The following PAWR variants were observed in gnomAD, a reference collection of about 807,000 sequenced individuals.
PAWR encodes PRKC apoptosis WT1 regulator protein.
A neutral mutation model predicts 32.0 loss-of-function variants in PAWR; 23 were observed. The observed-to-expected ratio is 0.72, with a 90% CI of 0.52 to 1.02. PAWR has a LOEUF of 1.02. Ranked by LOEUF, PAWR falls within the 50% of genes least tolerant of loss-of-function variation. The pLI, the probability that PAWR is intolerant of heterozygous loss-of-function variation, is 0.00. For synonymous variants in PAWR, 226 were observed against 187.1 expected (o/e 1.21, Z -1.70); for missense variants, 457 against 437.7 (o/e 1.04, Z -0.39).
At position 79,585,427 on chromosome 12, in the gene PAWR, A is replaced by G. The variant is rs1027427024; in HGVS notation, c.*7180T>C. ...CTACTGGTGTCAGAAACACACTTTA[A>G]GAACCACTGGCAAAACATTTAATAA... On this transcript the variant is annotated 3_prime_UTR_variant, in exon 7 of 7. Transcript: ENST00000328827. 5.2e-6 allele frequency: 1 copy of G among 193,182 alleles called. No individual in the cohort carries two copies. The highest frequency in any genetic ancestry group is 2.4e-5 in the African/African-American group (1 of 42,046). 12.0% of individuals were successfully genotyped at this position (193,182 alleles called of 1,614,324 possible).
chr12:79,676,126 T>A (rs1487567989), intron 2 of PAWR, among the ~76,000 whole-genome samples: 1 of 152,042 alleles, frequency 6.6e-6, no homozygotes, highest in African/African-American at 2.4e-5. Context: ...TCCTCACCTG[T>A]AAAATAGAAA....
intron 3 of PAWR, among the ~76,000 whole-genome samples, chr12:79,620,063 T>C (rs1874928390): frequency 6.6e-6 from 1 of 152,146 alleles, no homozygotes; most frequent in East Asian, 1.9e-4. Flanking sequence ...TCAAATAATC[T>C]AGCAACAAAG....
At chr12:79,669,346 T>G (rs1318078840) in intron 2 of PAWR, among the ~76,000 whole-genome samples, 1 of 152,124 alleles carries the variant, frequency 6.6e-6, no homozygotes, top group Non-Finnish European at 1.5e-5. Context: ...TATTACAGAG[T>G]AGGGCCATGT....
At chr12:79,659,297 GA>G (rs903561912) in intron 2 of PAWR, among the ~76,000 whole-genome samples, 1,706 of 136,002 alleles carry the variant, frequency 0.013, 30 homozygotes, top group African/African-American at 0.037. Context: ...CAGTCTCAAA[GA>G]AAAAAAAAAA....
chr12:79,627,514 C>A (rs1461515214), intron 2 of PAWR, among the ~76,000 whole-genome samples: 2 of 152,074 alleles, frequency 1.3e-5, no homozygotes, highest in Non-Finnish European at 2.9e-5. Flanking sequence ...GAGTAGGTTG[C>A]AAAAATTTTC....
At chr12:79,689,072 A>G (rs1878830961) in intron 2 of PAWR, among the ~76,000 whole-genome samples, 2 of 152,238 alleles carry the variant, frequency 1.3e-5, no homozygotes, top group South Asian at 4.1e-4. Context: ...ACTCAAAAAG[A>G]GATCGTCTTA....
At chr12:79,620,928 T>A in intron 3 of PAWR, 148 bp downstream of exon 3, 1 of 620,342 alleles carries the variant, frequency 1.6e-6, no homozygotes, top group South Asian at 2.1e-5. Flanking sequence ...GCCCAACATG[T>A]GATGTCAGAA....
intron 2 of PAWR, among the ~76,000 whole-genome samples, chr12:79,669,952 C>A (rs71463833): frequency 6.6e-6 from 1 of 152,150 alleles, no homozygotes; most frequent in Admixed American, 6.5e-5. Context: ...CCACCCTCCT[C>A]CACCTCCCAA....
chr12:79,678,925 T>C (rs1025050442), intron 2 of PAWR, among the ~76,000 whole-genome samples: 10 of 146,420 alleles, frequency 6.8e-5, no homozygotes, highest in Non-Finnish European at 1.2e-4. Flanking sequence ...AGAGACAAGG[T>C]CTCACTCTGT....
intron 2 of PAWR, among the ~76,000 whole-genome samples, chr12:79,684,895 G>A (rs552636034): frequency 1.3e-5 from 2 of 152,028 alleles, no homozygotes; most frequent in African/African-American, 2.4e-5. Context: ...GGTTTATTAC[G>A]CACAAGACTG....
intron 2 of PAWR, among the ~76,000 whole-genome samples, chr12:79,629,492 A>C (rs1875501627): frequency 6.6e-6 from 1 of 152,146 alleles, no homozygotes; most frequent in African/African-American, 2.4e-5. Context: ...TGAAACAAAA[A>C]GAACTGAAAA....
chr12:79,685,472 T>C (rs1878639621), intron 2 of PAWR, among the ~76,000 whole-genome samples: 1 of 152,236 alleles, frequency 6.6e-6, no homozygotes, highest in Admixed American at 6.5e-5. Flanking sequence ...TGTGTTCACT[T>C]AAAAGTGCTT....
At chr12:79,608,228 T>C (rs2136690965) in intron 4 of PAWR, among the ~76,000 whole-genome samples, 1 of 152,196 alleles carries the variant, frequency 6.6e-6, no homozygotes, top group East Asian at 1.9e-4. Flanking sequence ...AGAACTAAAG[T>C]TCTTAACTGG....
intron 2 of PAWR, among the ~76,000 whole-genome samples, chr12:79,649,196 T>C (rs1876722245): frequency 6.6e-6 from 1 of 152,166 alleles, no homozygotes; most frequent in African/African-American, 2.4e-5. Context: ...ATTGAACTAA[T>C]ACTTTGAAGC....
At chr12:79,679,606 G>A (rs1316220850) in intron 2 of PAWR, among the ~76,000 whole-genome samples, 4 of 152,134 alleles carry the variant, frequency 2.6e-5, no homozygotes, top group Non-Finnish European at 5.9e-5. Context: ...TTAAGTAAGA[G>A]GTAATAAAAT....
chr12:79,690,208 C>T lies in PAWR; in HGVS notation c.37G>A (p.Gly13Ser), dbSNP rs1303377529. ...TGGYRTSSGL[G>S]GSTTDFLEEW... ...TCCAGGAAGTCTGTGGTGCTGCCGC[C>T]GAGGCCGCTGCTGGTCCGGTAGCCA... Residue 13 changes from glycine (G) to serine (S), a missense_variant, in exon 2 of 7, where the codon GGC (glycine) becomes AGC (serine). Transcript: ENST00000328827. 6.5e-7 allele frequency: 1 copy of T among 1,529,512 alleles called. No homozygotes were observed. Among genetic ancestry groups the T allele is most frequent in the Admixed American group, 2.0e-5 (1 of 51,226 alleles). The allele number at this position is 1,529,512 out of a possible 1,614,324, so 94.7% of individuals were successfully genotyped here.
At chr12:79,650,386 T>C (rs547192666) in intron 2 of PAWR, among the ~76,000 whole-genome samples, 1 of 152,298 alleles carries the variant, frequency 6.6e-6, no homozygotes, top group East Asian at 1.9e-4. Context: ...GGTTTTTTAT[T>C]CCCAATGGGT....
chr12:79,642,257 T>C (rs535299450), intron 2 of PAWR, among the ~76,000 whole-genome samples: 1 of 152,190 alleles, frequency 6.6e-6, no homozygotes, highest in Non-Finnish European at 1.5e-5. Context: ...ATCTATGTAT[T>C]TGGAAGAAAT....
At chr12:79,601,207 ATT>A (rs534042888) in intron 4 of PAWR, among the ~76,000 whole-genome samples, 10,820 of 118,322 alleles carry the variant, frequency 0.091, 605 homozygotes, top group Non-Finnish European at 0.12. Flanking sequence ...GGAAACCTGA[ATT>A]TTTTTTTTTT....
Sources: allele counts gnomAD v4.1 joint callset (sites outside exome capture counted in the v4.1 genomes callset), GRCh38; gene constraint gnomAD v4.1.1; transcripts MANE v1.5; gene names NCBI Gene and HGNC (gene_info 2026-07-23, HGNC 2026-07-21).